Variants in SMIM10L3 observed in about 807,000 individuals in gnomAD.
SMIM10L3 encodes small integral membrane protein 10 like 3.
chr7:6,332,957 G>C, the SMIM10L3 span, among the ~76,000 whole-genome samples: 2 of 152,078 alleles, frequency 1.3e-5, no homozygotes, highest in African/African-American at 4.8e-5. Context: ...TCAGGAGTTC[G>C]AGACAAGCAT....
chr7:6,345,856 T>C, the SMIM10L3 span, among the ~76,000 whole-genome samples: 1 of 151,580 alleles, frequency 6.6e-6, no homozygotes, highest in Admixed American at 6.6e-5. Context: ...GCAACCTCCA[T>C]CTCCTGGGTT....
At chr7:6,334,277 T>C in the SMIM10L3 span, among the ~76,000 whole-genome samples, 2 of 150,866 alleles carry the variant, frequency 1.3e-5, no homozygotes, top group Non-Finnish European at 2.9e-5. Flanking sequence ...GGCTCACGCC[T>C]GTAATCCCAG....
At chr7:6,332,611 T>C in the SMIM10L3 span, among the ~76,000 whole-genome samples, 1 of 151,964 alleles carries the variant, frequency 6.6e-6, no homozygotes, top group Non-Finnish European at 1.5e-5. Context: ...TGTGGGAGGA[T>C]TGCTTGAGCC....
At chr7:6,348,926 C>T in the SMIM10L3 span, 1 of 383,796 alleles carries the variant, frequency 2.6e-6, no homozygotes, top group Non-Finnish European at 4.6e-6. Context: ...CGGAGAAGTG[C>T]CTCCGCGAGC....
the SMIM10L3 span, chr7:6,330,379 C>G: frequency 6.2e-7 from 1 of 1,609,654 alleles, no homozygotes; most frequent in Non-Finnish European, 8.5e-7. Context: ...TGTACCTTAA[C>G]TATGGCATAA....
At chr7:6,344,364 C>A in the SMIM10L3 span, among the ~76,000 whole-genome samples, 2 of 152,170 alleles carry the variant, frequency 1.3e-5, no homozygotes, top group African/African-American at 4.8e-5. Flanking sequence ...CACTCCCCAC[C>A]CCCATGATGT....
chr7:6,348,233 G>A, the SMIM10L3 span, among the ~76,000 whole-genome samples: 19 of 40,758 alleles, frequency 4.7e-4, no homozygotes, highest in Admixed American at 7.0e-4. Context: ...TTAAAAATAA[G>A]GGGGGGGGTT....
At chr7:6,340,146 A>G in the SMIM10L3 span, among the ~76,000 whole-genome samples, 1 of 151,946 alleles carries the variant, frequency 6.6e-6, no homozygotes, top group Non-Finnish European at 1.5e-5. Flanking sequence ...CGGCCTCCCA[A>G]AGTGCTGGGA....
the SMIM10L3 span, among the ~76,000 whole-genome samples, chr7:6,345,501 T>C: frequency 1.3e-5 from 2 of 152,070 alleles, no homozygotes; most frequent in African/African-American, 4.8e-5. Flanking sequence ...GTGGATACAG[T>C]AGGGTAGACT....
At chr7:6,343,653 G>C in the SMIM10L3 span, among the ~76,000 whole-genome samples, 1 of 151,754 alleles carries the variant, frequency 6.6e-6, no homozygotes, top group Non-Finnish European at 1.5e-5. Flanking sequence ...AGGAGATTAA[G>C]GCTTGCTTGC....
the SMIM10L3 span, among the ~76,000 whole-genome samples, chr7:6,334,444 G>A: frequency 6.6e-6 from 1 of 151,892 alleles, no homozygotes; most frequent in Non-Finnish European, 1.5e-5. Context: ...GGTGAGGCAG[G>A]AGAACAGCTT....
the SMIM10L3 span, chr7:6,330,845 C>G: frequency 1.2e-6 from 2 of 1,614,194 alleles, no homozygotes; most frequent in Non-Finnish European, 8.5e-7. Context: ...AACAAACCCA[C>G]GGCTGTGCTC....
chr7:6,331,433 G>A, the SMIM10L3 span, among the ~76,000 whole-genome samples: 1 of 152,320 alleles, frequency 6.6e-6, no homozygotes, highest in East Asian at 1.9e-4. Context: ...AAAGTGCTGG[G>A]ATTACAGGTG....
At chr7:6,333,559 C>A in the SMIM10L3 span, among the ~76,000 whole-genome samples, 2 of 152,042 alleles carry the variant, frequency 1.3e-5, no homozygotes, top group African/African-American at 4.8e-5. Context: ...AGGACAATGG[C>A]GTGATCACAG....
At chr7:6,342,373 C>T in the SMIM10L3 span, among the ~76,000 whole-genome samples, 246 of 151,534 alleles carry the variant, frequency 1.6e-3, 1 homozygote, top group Non-Finnish European at 2.8e-3. Flanking sequence ...GGCAAAACCC[C>T]GACTCTACTA....
chr7:6,333,275 C>T, the SMIM10L3 span, among the ~76,000 whole-genome samples: 22 of 151,942 alleles, frequency 1.4e-4, no homozygotes, highest in East Asian at 1.5e-3. Context: ...AAAGAGACCT[C>T]GGGCCATGTC....
At chr7:6,332,871 T>C in the SMIM10L3 span, among the ~76,000 whole-genome samples, 1 of 151,816 alleles carries the variant, frequency 6.6e-6, no homozygotes. Flanking sequence ...AGATTTGTTA[T>C]AAATTTTGGC....
chr7:6,336,269 G>C, the SMIM10L3 span, among the ~76,000 whole-genome samples: 1 of 151,934 alleles, frequency 6.6e-6, no homozygotes, highest in African/African-American at 2.4e-5. Context: ...GACTGCTTGA[G>C]CCTAGAAGCT....
chr7:6,336,345 ACT>A, the SMIM10L3 span, among the ~76,000 whole-genome samples: 440 of 151,300 alleles, frequency 2.9e-3, 3 homozygotes, highest in Non-Finnish European at 4.4e-3. Flanking sequence ...CAAGACTGTG[ACT>A]CAAAAAAGAA....
Sources: gnomAD v4.1 joint callset for allele counts (sites outside exome capture counted in the v4.1 genomes callset) on GRCh38, gnomAD v4.1.1 for gene constraint, MANE v1.5 for transcripts, NCBI Gene and HGNC (gene_info 2026-07-23, HGNC 2026-07-21) for gene names.